CRB2: variants seen among roughly 807,000 people sequenced by gnomAD.
CRB2 encodes the protein crumbs cell polarity complex component 2.
CRB2 carries 85 observed loss-of-function variants against 110.9 expected under a neutral mutation model. The ratio of observed to expected loss-of-function variants is 0.77; its 90% CI spans 0.64 to 0.92. CRB2 has a LOEUF of 0.92. CRB2 is among the 40% of genes least tolerant of loss of function. The pLI is 0.00. For missense variants in CRB2, 1,843 were observed against 1,851.3 expected (o/e 1.00, Z 0.08); for synonymous variants, 907 against 831.0 (o/e 1.09, Z -1.57).
intron 4 of CRB2, among the ~76,000 whole-genome samples, chr9:123,366,692 C>T (rs921151424): frequency 1.3e-5 from 2 of 152,130 alleles, no homozygotes; most frequent in Admixed American, 1.3e-4. Flanking sequence ...GTGGCTCAAG[C>T]CTGTAATCCC....
At chr9:123,361,407 T>TG (rs2041867536) in intron 1 of CRB2, among the ~76,000 whole-genome samples, 1 of 152,084 alleles carries the variant, frequency 6.6e-6, no homozygotes, top group African/African-American at 2.4e-5. Context: ...TGCCCTTTCC[T>TG]GGGGGAGCTG....
intron 2 of CRB2, 112 bp downstream of exon 2, chr9:123,363,300 C>A: frequency 8.6e-7 from 1 of 1,162,204 alleles, no homozygotes; most frequent in Non-Finnish European, 1.2e-6. Context: ...CGCCCCCAGG[C>A]ATCCGGGCAG....
intron 6 of CRB2, among the ~76,000 whole-genome samples, chr9:123,368,103 A>G (rs2041963018): frequency 6.6e-6 from 1 of 152,058 alleles, no homozygotes; most frequent in South Asian, 2.1e-4. Context: ...TGCCTTGGGT[A>G]CACGCAGATG....
At chr9:123,367,446 A>ACCCC in intron 5 of CRB2, 89 bp downstream of exon 5, 1 of 130,642 alleles carries the variant, frequency 7.7e-6, no homozygotes, top group East Asian at 1.7e-4. Context: ...CCACCCCCCC[A>ACCCC]CCCCACACCC....
Sources: allele counts gnomAD v4.1 joint callset (sites outside exome capture counted in the v4.1 genomes callset), GRCh38; gene constraint gnomAD v4.1.1; transcripts MANE v1.5; gene names NCBI Gene and HGNC (gene_info 2026-07-23, HGNC 2026-07-21).